The following ERC2 variants were observed in gnomAD, a reference collection of about 807,000 sequenced individuals.
ERC2 encodes ERC protein 2.
A neutral mutation model predicts 114.8 loss-of-function variants in ERC2; 42 were observed. The ratio of observed to expected loss-of-function variants is 0.37; its 90% confidence interval spans 0.29 to 0.47. ERC2 has a LOEUF of 0.47. ERC2 is among the 20% of genes least tolerant of loss of function. ERC2 has a pLI of 0.99. For synonymous variants in ERC2, 454 were observed against 425.5 expected, an observed-to-expected ratio of 1.07 and a Z score of -0.82; for missense variants, 939 against 1,150.7, an observed-to-expected ratio of 0.82 and a Z score of 2.66.
rs139657925 is a variant in ERC2 at position 56,188,565 on chromosome 3, T to C, written c.1075-15045A>G. 3.5e-4 allele frequency among the ~76,000 whole-genome samples: 53 copies of C among 152,254 alleles called. No homozygotes were observed. In the East Asian group the frequency reaches 6.8e-3, roughly 19 times the overall value. On this transcript the variant is annotated intron_variant, in intron 3 of 17. Coordinates refer to ENST00000288221, the MANE Select transcript of ERC2 (RefSeq NM_015576.3). ...GAGAACACAGTTATGGTGGTGGTGG[T>C]GGTGGCAGCGGTGGTGGTGGTGACA...
At chr3:55,759,181 G>A (rs2067249647) in intron 14 of ERC2, among the ~76,000 whole-genome samples, 1 of 152,112 alleles carries the variant, frequency 6.6e-6, no homozygotes, top group Non-Finnish European at 1.5e-5. Flanking sequence ...ATAAATTAAA[G>A]CACATTGCAA....
At chr3:55,855,884 A>G (rs1200827500) in intron 14 of ERC2, among the ~76,000 whole-genome samples, 2 of 152,220 alleles carry the variant, frequency 1.3e-5, no homozygotes, top group African/African-American at 4.8e-5. Flanking sequence ...TTGGCTTTAC[A>G]TAAAAAGGTG....
At chr3:55,796,237 C>T (rs2070470310) in intron 14 of ERC2, among the ~76,000 whole-genome samples, 1 of 147,874 alleles carries the variant, frequency 6.8e-6, no homozygotes. Context: ...GCAGGCAAGG[C>T]CTGGCTTTGT....
chr3:55,643,362 T>C (rs2060265044), intron 17 of ERC2, among the ~76,000 whole-genome samples: 1 of 152,240 alleles, frequency 6.6e-6, no homozygotes, highest in Non-Finnish European at 1.5e-5. Context: ...ATCATCATCA[T>C]GTGGATATAG....
chr3:55,700,543 C>T (rs186127148), intron 15 of ERC2, among the ~76,000 whole-genome samples: 368 of 152,336 alleles, frequency 2.4e-3, no homozygotes, highest in Non-Finnish European at 4.2e-3. Context: ...CAGTAACTGG[C>T]AATGAAAGTC....
chr3:55,589,242 A>C (rs1251186200), intron 17 of ERC2, among the ~76,000 whole-genome samples: 1 of 145,344 alleles, frequency 6.9e-6, no homozygotes, highest in East Asian at 2.0e-4. Flanking sequence ...AAAGAGAGAG[A>C]GAGAAGGAGG....
intron 3 of ERC2, among the ~76,000 whole-genome samples, chr3:56,174,239 ACAACTTTTAT>A (rs2082846291): frequency 6.6e-6 from 1 of 152,244 alleles, no homozygotes; most frequent in South Asian, 2.1e-4. Flanking sequence ...CAACATAATT[ACAACTTTTAT>A]CTTGAAGGTC....
chr3:55,830,181 C>A (rs2060507151), intron 14 of ERC2, among the ~76,000 whole-genome samples: 1 of 152,090 alleles, frequency 6.6e-6, no homozygotes, highest in Non-Finnish European at 1.5e-5. Context: ...AACAATGGAA[C>A]AATTTTTTTA....
chr3:56,327,668 T>C (rs2057425438), intron 2 of ERC2, among the ~76,000 whole-genome samples: 1 of 152,072 alleles, frequency 6.6e-6, no homozygotes, highest in South Asian at 2.1e-4. Context: ...AGAGCAAGAC[T>C]CCATCTCAAT....
chr3:55,528,086 G>A (rs1394611568), intron 17 of ERC2, among the ~76,000 whole-genome samples: 3 of 152,160 alleles, frequency 2.0e-5, no homozygotes, highest in African/African-American at 4.8e-5. Context: ...TAAAAAGGAT[G>A]AAGCAAAATA....
chr3:56,260,195 G>A (rs975897430), intron 3 of ERC2, among the ~76,000 whole-genome samples: 3 of 152,160 alleles, frequency 2.0e-5, no homozygotes, highest in East Asian at 3.9e-4. Flanking sequence ...GTCTGCAAGC[G>A]GGGAAAGCAA....
rs577606422 is a variant in ERC2 at position 56,182,427 on chromosome 3, C to A, written c.1075-8907G>T. Among the ~76,000 whole-genome samples the A allele has an allele frequency of 2.6e-5, 4 of 152,298 alleles. No homozygotes were observed. In the South Asian group the frequency reaches 8.3e-4, roughly 32 times the overall value. ...TGTATGTATAAGCCTGGAAGTCCTA[C>A]AGTACTTTCGACCAAAAGGAGTCTG... On this transcript the variant is annotated intron_variant, in intron 3 of 17. Coordinates refer to ENST00000288221, the MANE Select transcript of ERC2 (RefSeq NM_015576.3).
At chr3:55,598,884 C>T (rs555987652) in intron 17 of ERC2, among the ~76,000 whole-genome samples, 11 of 138,934 alleles carry the variant, frequency 7.9e-5, no homozygotes, top group Non-Finnish European at 1.4e-4. Context: ...AGGAGCTATG[C>T]TAGAATAGAA....
chr3:55,860,840 A>G lies in ERC2; in HGVS notation c.2564+27549T>C, dbSNP rs545089964. On this transcript the variant is annotated intron_variant, in intron 14 of 17. Coordinates refer to ENST00000288221, the MANE Select transcript of ERC2 (RefSeq NM_015576.3). Reference sequence around the variant, plus strand: ...AAGCATACATGAGACTAAACACAGTATGACAGCAAGGAAGGGACTGAAGAG... The same window carrying G: ...AAGCATACATGAGACTAAACACAGTGTGACAGCAAGGAAGGGACTGAAGAG... Among the ~76,000 whole-genome samples, 104 of 152,360 alleles carry G rather than the reference A, an allele frequency of 6.8e-4. 1 individual carries two copies. The highest frequency in any genetic ancestry group is 2.5e-3 in the African/African-American group (103 of 41,588).
At chr3:55,710,811 A>C (rs1191066761) in intron 15 of ERC2, among the ~76,000 whole-genome samples, 1 of 152,150 alleles carries the variant, frequency 6.6e-6, no homozygotes, top group African/African-American at 2.4e-5. Flanking sequence ...TGCCAGAACA[A>C]CCCAAATTCA....
chr3:56,350,769 C>T (rs57609503), intron 2 of ERC2, among the ~76,000 whole-genome samples: 3,005 of 152,256 alleles, frequency 0.02, 103 homozygotes, highest in African/African-American at 0.066. Context: ...AGAAAAGGAA[C>T]CAACTGGAAC....
intron 14 of ERC2, among the ~76,000 whole-genome samples, chr3:55,761,206 G>T (rs1351996365): frequency 6.6e-6 from 1 of 152,124 alleles, no homozygotes; most frequent in Non-Finnish European, 1.5e-5. Flanking sequence ...TGGAGCTCAG[G>T]TCCCAGCAAA....
chr3:55,963,226 C>A (rs1214819880), intron 12 of ERC2, among the ~76,000 whole-genome samples: 1 of 152,164 alleles, frequency 6.6e-6, no homozygotes. Context: ...AAGGTGATCA[C>A]CTTTTGAAAA....
chr3:55,887,664 A>G (rs1462619775), intron 14 of ERC2, among the ~76,000 whole-genome samples: 1 of 152,194 alleles, frequency 6.6e-6, no homozygotes, highest in Non-Finnish European at 1.5e-5. Context: ...TTATTCCATG[A>G]TGATGCTCTT....
Sources: allele counts gnomAD v4.1 joint callset (sites outside exome capture counted in the v4.1 genomes callset), GRCh38; gene constraint gnomAD v4.1.1; transcripts MANE v1.5; gene names NCBI Gene and HGNC (gene_info 2026-07-23, HGNC 2026-07-21).